B4GALT7: variants seen among roughly 807,000 people sequenced by gnomAD.
B4GALT7 encodes the protein UDP-Gal:beta-GlcNAc beta-1,4-galactosyltransferase 7.
A neutral mutation model predicts 33.0 loss-of-function variants in B4GALT7; 30 were observed. That is an observed-to-expected ratio of 0.91 (90% CI 0.68 to 1.23). B4GALT7 has a LOEUF of 1.23. Among genes scored for constraint, B4GALT7 ranks in the 50% most tolerant of loss-of-function variants. The pLI is 0.00. For missense variants in B4GALT7, 507 were observed against 450.8 expected, an observed-to-expected ratio of 1.12 and a Z score of -1.13; for synonymous variants, 213 against 187.2, an observed-to-expected ratio of 1.14 and a Z score of -1.13.
intron 1 of B4GALT7, among the ~76,000 whole-genome samples, chr5:177,601,144 C>T (rs1472264023): frequency 6.6e-6 from 1 of 152,082 alleles, no homozygotes; most frequent in African/African-American, 2.4e-5. Flanking sequence ...TTAGTGGCCA[C>T]AACTTGTACT....
intron 2 of B4GALT7, chr5:177,605,033 C>T (rs533922305): frequency 2.3e-4 from 104 of 456,102 alleles, no homozygotes; most frequent in Non-Finnish European, 3.9e-4. Flanking sequence ...CCCCCACCTC[C>T]TTTCCCTCTA....
chr5:177,605,654 C>G (rs1219995270), intron 2 of B4GALT7: 2 of 152,966 alleles, frequency 1.3e-5, no homozygotes, highest in African/African-American at 4.8e-5. Flanking sequence ...CCCCCCACCC[C>G]ACAGTTGGGC....
chr5:177,604,901 G>C, intron 2 of B4GALT7: 1 of 455,974 alleles, frequency 2.2e-6, no homozygotes, highest in Non-Finnish European at 4.3e-6. Flanking sequence ...CCGGGGATTA[G>C]GGAAAGGGAG....
Position 177,600,293 on chromosome 5 carries a change from TC to T in B4GALT7, c.50+36del. On this transcript the variant is annotated intron_variant, in intron 1 of 5. Coordinates refer to ENST00000029410, the MANE Select transcript of B4GALT7 (RefSeq NM_007255.3). The surrounding 1 kb of genome is among the most constrained non-coding windows in gnomAD (Gnocchi z 4.4). ...GCGGCGGTGGGCCCGGGCCCCGTCC[TC>T]CCGGGCGCCGCTCCCTTCTCGGCCG... 1 of 1,294,894 alleles carries T rather than the reference TC, an allele frequency of 7.7e-7. No individual in the cohort carries two copies. The highest frequency in any genetic ancestry group is 2.1e-5 in the South Asian group (1 of 47,414). 80.2% of individuals were successfully genotyped at this position (1,294,894 alleles called of 1,614,324 possible).
In B4GALT7 at chr5:177,608,508, GGCCGAGTGAC is replaced by G. The variant is rs1205391070; in HGVS notation, c.640-28_640-19del. The G allele has an allele frequency of 1.2e-6, 2 of 1,600,218 alleles. No homozygotes were observed. Among genetic ancestry groups the G allele is most frequent in the Non-Finnish European group, 1.7e-6 (2 of 1,168,902 alleles). On this transcript the variant is annotated intron_variant, in intron 3 of 5. Coordinates refer to ENST00000029410, the MANE Select transcript of B4GALT7 (RefSeq NM_007255.3). The surrounding 1 kb of genome is among the most constrained non-coding windows in gnomAD (Gnocchi z 4.1). ...AAAGGCCCCCCCCCCCGGGAAGATGGGCCGAGTGACGCTGCTTGTCTCTGTGTCAGTGCAA... is the reference window on the plus strand; with the variant it reads ...AAAGGCCCCCCCCCCCGGGAAGATGGGCTGCTTGTCTCTGTGTCAGTGCAA...
Position 177,607,484 on chromosome 5 carries a change from A to C in B4GALT7, c.596A>C (p.Tyr199Ser). ...CACCCTCTCTACCACTACAAGACCTATGTCGGCGGCATCCTGCTGCTCTCC... is the reference window on the plus strand; with the variant it reads ...CACCCTCTCTACCACTACAAGACCTCTGTCGGCGGCATCCTGCTGCTCTCC... ...ELHPLYHYKT[Y>S]VGGILLLSKQ... Residue 199 changes from tyrosine (Y) to serine (S), a missense_variant, in exon 3 of 6, where the codon TAT becomes TCT. Transcript: ENST00000029410. 1 of 1,613,470 alleles carries C rather than the reference A, an allele frequency of 6.2e-7. No individual in the cohort carries two copies. The highest frequency in any genetic ancestry group is 8.5e-7 in the Non-Finnish European group (1 of 1,179,984).
At position 177,606,915 on chromosome 5, in the gene B4GALT7, C is replaced by T. The variant is rs1768031074; in HGVS notation, c.414-387C>T. On this transcript the variant is annotated intron_variant, in intron 2 of 5. Transcript: ENST00000029410. The surrounding 1 kb of genome is among the most constrained non-coding windows in gnomAD (Gnocchi z 4.2). The stretch of plus-strand genomic sequence containing the variant: ...GTTTCTGTCACTCAGTTCCCCTGGC[C>T]CTCCCTGACGGCCCCACCGAGGACA... 5.5e-6 allele frequency: 2 copies of T among 363,726 alleles called. No homozygotes were observed. The allele number at this position is 363,726 out of a possible 1,614,324, so 22.5% of individuals were successfully genotyped here.
chr5:177,600,198 G>C lies in B4GALT7; in HGVS notation c.-13G>C, dbSNP rs1767805869. 2 of 1,362,856 alleles carry C rather than the reference G, an allele frequency of 1.5e-6. No individual in the cohort carries two copies. The highest frequency in any genetic ancestry group is 9.5e-7 in the Non-Finnish European group (1 of 1,051,466). 84.4% of individuals were successfully genotyped at this position (1,362,856 alleles called of 1,614,324 possible). A position where few individuals can be genotyped will look rare whatever the true frequency, so the allele number is the denominator to read the frequency against. On this transcript the variant is annotated 5_prime_UTR_variant, in exon 1 of 6. Coordinates refer to ENST00000029410, the MANE Select transcript of B4GALT7 (RefSeq NM_007255.3). This position sits in a 1 kb window ranked among gnomAD's most constrained non-coding sequence, Gnocchi z 4.4. ...GCGAGCGCCTGCCCCATGCGCCGCC[G>C]CCTCTCCGCACGATGTTCCCCTCGC...
chr5:177,605,473 C>T (rs1461971752), intron 2 of B4GALT7, among the ~76,000 whole-genome samples: 1 of 152,236 alleles, frequency 6.6e-6, no homozygotes, highest in Non-Finnish European at 1.5e-5. Flanking sequence ...CATCCCTCGT[C>T]CTCACTCATA....
rs937213356 is a variant in B4GALT7 at position 177,600,186 on chromosome 5, C to G, written c.-25C>G. ...GCCGGCCGGGCTGCGAGCGCCTGCC[C>G]CATGCGCCGCCGCCTCTCCGCACGA... On this transcript the variant is annotated 5_prime_UTR_variant, in exon 1 of 6. Coordinates refer to ENST00000029410, the MANE Select transcript of B4GALT7 (RefSeq NM_007255.3). The surrounding 1 kb of genome is among the most constrained non-coding windows in gnomAD (Gnocchi z 4.4). The G allele has an allele frequency of 3.0e-6, 4 of 1,343,656 alleles. No homozygotes were observed. Among genetic ancestry groups the G allele is most frequent in the African/African-American group, 3.0e-5 (2 of 65,842 alleles). 83.2% of individuals were successfully genotyped at this position (1,343,656 alleles called of 1,614,324 possible).
Position 177,608,924 on chromosome 5 carries a change from G to C in B4GALT7, c.738G>C (p.Ser246=). 1 of 1,613,640 alleles carries C rather than the reference G, an allele frequency of 6.2e-7. No individual in the cohort carries two copies. Among genetic ancestry groups the C allele is most frequent in the Non-Finnish European group, 8.5e-7 (1 of 1,179,974 alleles). The part of the protein sequence containing the change: ...KGAGLQLFRP[S]GITTGYKTFR... ...GACCTCCCTAGCTTTTCCGCCCCTC[G>C]GGAATCACAACTGGGTACAAGACAT... The change falls in exon 5 of 6, where the codon TCG becomes TCC. Residue 246 remains serine (S), a synonymous_variant. Transcript: ENST00000029410. The surrounding 1 kb of genome is among the most constrained non-coding windows in gnomAD (Gnocchi z 4.1).
rs1768005849 is a variant in B4GALT7 at position 177,606,210 on chromosome 5, G to C, written c.414-1092G>C. 2.0e-5 allele frequency: 3 copies of C among 152,136 alleles called. No individual in the cohort carries two copies. Among genetic ancestry groups the C allele is most frequent in the Admixed American group, 2.0e-4 (3 of 15,276 alleles). 9.4% of individuals were successfully genotyped at this position (152,136 alleles called of 1,614,324 possible). ...ATGATTCCTGAGGCTGTTTCCTGGA[G>C]TTCTCTCCTAAACTCCAGGCTCAAC... On this transcript the variant is annotated intron_variant, in intron 2 of 5. Coordinates refer to ENST00000029410, the MANE Select transcript of B4GALT7 (RefSeq NM_007255.3). The surrounding 1 kb of genome is among the most constrained non-coding windows in gnomAD (Gnocchi z 4.2).
rs1041232589 is a variant in B4GALT7, at chr5:177,607,516, C to T, written c.628C>T (p.His210Tyr). Residue 210 changes from histidine to tyrosine, a missense_variant, in exon 3 of 6, where the codon CAC (histidine) becomes TAC (tyrosine). Coordinates refer to ENST00000029410, the MANE Select transcript of B4GALT7 (RefSeq NM_007255.3). ...CGGCATCCTGCTGCTCTCCAAGCAG[C>T]ACTACCGGCTGGTGAGGCCCGGACA... ...VGGILLLSKQ[H>Y]YRLCNGMSNR... 1.9e-6 allele frequency: 3 copies of T among 1,611,884 alleles called. No homozygotes were observed. The highest frequency in any genetic ancestry group is 1.3e-5 in the African/African-American group (1 of 74,952).
chr5:177,604,004 A>G lies in B4GALT7; in HGVS notation c.51-175A>G, dbSNP rs546909142. 8.0e-4 allele frequency: 762 copies of G among 954,884 alleles called. 2 individuals carry two copies. The highest frequency in any genetic ancestry group is 3.9e-3 in the Middle Eastern group (12 of 3,046). 59.2% of individuals were successfully genotyped at this position (954,884 alleles called of 1,614,324 possible). ...GGTTGGGTCTAGAGAGGCAAGCAGGATTCGGATGCATGGTAGTGGCATGAG... is the reference window on the plus strand; with the variant it reads ...GGTTGGGTCTAGAGAGGCAAGCAGGGTTCGGATGCATGGTAGTGGCATGAG... On this transcript the variant is annotated intron_variant, in intron 1 of 5. Coordinates refer to ENST00000029410, the MANE Select transcript of B4GALT7 (RefSeq NM_007255.3).
intron 1 of B4GALT7, 32 bp from the exon 2 acceptor site, chr5:177,604,147 G>C: frequency 6.2e-7 from 1 of 1,612,546 alleles, no homozygotes; most frequent in Admixed American, 1.7e-5. Context: ...GCCCTGCCCC[G>C]CCCTCCTGAC....
chr5:177,602,933 A>G, intron 1 of B4GALT7: 2 of 763,784 alleles, frequency 2.6e-6, no homozygotes, highest in Non-Finnish European at 3.2e-6. Context: ...CCCAGGCTGG[A>G]GTGCAGTGGC....
Position 177,608,788 on chromosome 5 carries a change from C to T in B4GALT7, c.724-122C>T, listed in dbSNP as rs1478830326. 1.8e-6 allele frequency: 2 copies of T among 1,134,960 alleles called. No individual in the cohort carries two copies. The highest frequency in any genetic ancestry group is 1.8e-5 in the Admixed American group (1 of 55,736). The allele number at this position is 1,134,960 out of a possible 1,614,324, so 70.3% of individuals were successfully genotyped here. On this transcript the variant is annotated intron_variant, in intron 4 of 5. Coordinates refer to ENST00000029410, the MANE Select transcript of B4GALT7 (RefSeq NM_007255.3). The surrounding 1 kb of genome is among the most constrained non-coding windows in gnomAD (Gnocchi z 4.1). ...CTAGCCAGTTCCTTGCCCTGTGGGCCCCAGTCTCCTCTCCTGCAGGCTGGG... is the reference window on the plus strand; with the variant it reads ...CTAGCCAGTTCCTTGCCCTGTGGGCTCCAGTCTCCTCTCCTGCAGGCTGGG...
At position 177,604,097 on chromosome 5, in the gene B4GALT7, C is replaced by G. The variant is rs575171257; in HGVS notation, c.51-82C>G. ...GGGGTAGACGAGTTATGTGCAGCCT[C>G]CTCGTGGGGAGGCCAGAGAACGGGT... On this transcript the variant is annotated intron_variant, in intron 1 of 5. Coordinates refer to ENST00000029410, the MANE Select transcript of B4GALT7 (RefSeq NM_007255.3). 2.5e-6 allele frequency: 4 copies of G among 1,595,466 alleles called. No individual in the cohort carries two copies. In the African/African-American group the frequency reaches 4.0e-5, roughly 16 times the overall value.
chr5:177,607,290 C>T lies in B4GALT7; in HGVS notation c.414-12C>T. 1 of 1,595,270 alleles carries T rather than the reference C, an allele frequency of 6.3e-7. No individual in the cohort carries two copies. ...TGTGCTGCCCCTGCCCAGCCTTGCC[C>T]ACCCTGCACAGGTTCAACCGGGCAG... is the stretch of plus-strand genomic sequence containing the variant. On this transcript the variant is annotated splice_polypyrimidine_tract_variant and intron_variant, in intron 2 of 5. Coordinates refer to ENST00000029410, the MANE Select transcript of B4GALT7 (RefSeq NM_007255.3).
Sources: gnomAD v4.1 joint callset for allele counts (sites outside exome capture counted in the v4.1 genomes callset) on GRCh38, gnomAD v4.1.1 for gene constraint, Gnocchi (gnomAD v3.1) non-coding constraint, MANE v1.5 for transcripts, NCBI Gene and HGNC (gene_info 2026-07-23, HGNC 2026-07-21) for gene names.